The following RTKN2 variants were observed in gnomAD, a reference collection of about 807,000 sequenced individuals.
The protein encoded by RTKN2 is rhotekin-2.
Under a neutral mutation model 71.5 loss-of-function variants are expected in RTKN2, and 69 were observed. The observed-to-expected ratio is 0.96, with a 90% CI of 0.79 to 1.18. RTKN2 has a LOEUF of 1.18. RTKN2 is among the 50% of genes most tolerant of loss of function. RTKN2 has a pLI of 0.00. For missense variants in RTKN2, 724 were observed against 719.7 expected (o/e 1.01, Z -0.07); for synonymous variants, 236 against 236.5 (o/e 1.00, Z 0.02).
intron 6 of RTKN2, among the ~76,000 whole-genome samples, chr10:62,227,026 G>T (rs1842040175): frequency 6.6e-6 from 1 of 152,158 alleles, no homozygotes; most frequent in Non-Finnish European, 1.5e-5. Flanking sequence ...AAAATAATGG[G>T]AAGTAGACTC....
At chr10:62,203,235 C>A (rs965109372) in intron 10 of RTKN2, among the ~76,000 whole-genome samples, 1 of 151,978 alleles carries the variant, frequency 6.6e-6, no homozygotes. Context: ...ATTTATAAGA[C>A]GGATTCTCTA....
chr10:62,250,575 G>T (rs184287277), intron 2 of RTKN2, among the ~76,000 whole-genome samples: 2 of 152,272 alleles, frequency 1.3e-5, no homozygotes, highest in East Asian at 3.9e-4. Flanking sequence ...AGAGTAAACT[G>T]CAGTCTGAAA....
chr10:62,255,904 T>C (rs991399288), intron 2 of RTKN2, among the ~76,000 whole-genome samples: 1 of 152,136 alleles, frequency 6.6e-6, no homozygotes, highest in African/African-American at 2.4e-5. Context: ...TTAGACTCAA[T>C]GTCCATCTAT....
chr10:62,213,260 C>T (rs1233361894), intron 9 of RTKN2, among the ~76,000 whole-genome samples: 1 of 151,944 alleles, frequency 6.6e-6, no homozygotes, highest in Non-Finnish European at 1.5e-5. Flanking sequence ...TCCTCACTGA[C>T]TACTTGCTAA....
intron 5 of RTKN2, chr10:62,239,349 G>T: frequency 5.0e-6 from 1 of 199,836 alleles, no homozygotes; most frequent in Non-Finnish European, 1.0e-5. Context: ...TGTATGCATA[G>T]CTTTGTTAAT....
chr10:62,230,128 T>C (rs1842117220), intron 6 of RTKN2, among the ~76,000 whole-genome samples: 1 of 152,168 alleles, frequency 6.6e-6, no homozygotes, highest in Admixed American at 6.6e-5. Context: ...AACTTTTTCC[T>C]TCTAGGTTCT....
At chr10:62,228,372 G>A (rs1426778562) in intron 6 of RTKN2, among the ~76,000 whole-genome samples, 1 of 151,972 alleles carries the variant, frequency 6.6e-6, no homozygotes, top group Non-Finnish European at 1.5e-5. Context: ...AAAAGGTCCA[G>A]GAAGAGGAAC....
chr10:62,243,030 C>T (rs561713361), intron 3 of RTKN2, among the ~76,000 whole-genome samples: 4 of 151,806 alleles, frequency 2.6e-5, no homozygotes, highest in South Asian at 2.1e-4. Flanking sequence ...ATGTGCACGA[C>T]GTGCAGGTTT....
intron 9 of RTKN2, among the ~76,000 whole-genome samples, chr10:62,206,847 A>G (rs1841559162): frequency 6.6e-6 from 1 of 151,892 alleles, no homozygotes; most frequent in Non-Finnish European, 1.5e-5. Context: ...ATTTTGCCCT[A>G]AATGGTATCC....
Position 62,236,123 on chromosome 10 carries a change from CTTA to C in RTKN2, c.626_628del (p.Ile209del), listed in dbSNP as rs2132977069. The C allele has an allele frequency of 6.2e-7, 1 of 1,612,956 alleles. No homozygotes were observed. Among genetic ancestry groups the C allele is most frequent in the East Asian group, 2.2e-5 (1 of 44,790 alleles). On this transcript the variant is annotated inframe_deletion, in exon 6 of 12. Transcript: ENST00000373789. ...ATCATCCTCTTCTTGAAGCACTGAA[CTTA>C]TTTTCTTTCCTGTAGCTTTACTTAT...
chr10:62,191,543 A>AT (rs1306932425), downstream of RTKN2, among the ~76,000 whole-genome samples: 1 of 152,088 alleles, frequency 6.6e-6, no homozygotes, highest in East Asian at 1.9e-4. Context: ...TGTTTTATGT[A>AT]TTTTTTAATC....
intron 3 of RTKN2, among the ~76,000 whole-genome samples, chr10:62,242,962 TTATC>T (rs1404051559): frequency 6.6e-6 from 1 of 152,100 alleles, no homozygotes; most frequent in African/African-American, 2.4e-5. Context: ...AGTATTCAAT[TTATC>T]TATTTATTTA....
At chr10:62,201,391 T>C (rs1010990834) in intron 10 of RTKN2, among the ~76,000 whole-genome samples, 3 of 152,106 alleles carry the variant, frequency 2.0e-5, no homozygotes, top group East Asian at 3.8e-4. Flanking sequence ...CAGAATATGA[T>C]AAAAATTTCA....
chr10:62,204,112 T>C (rs1841501738), intron 10 of RTKN2, among the ~76,000 whole-genome samples: 1 of 152,176 alleles, frequency 6.6e-6, no homozygotes, highest in Admixed American at 6.5e-5. Flanking sequence ...GTAGACAAAA[T>C]ACTGGTAGTA....
At chr10:62,218,336 T>C in intron 7 of RTKN2, 35 bp from the exon 8 acceptor site, 1 of 1,345,530 alleles carries the variant, frequency 7.4e-7, no homozygotes, top group Non-Finnish European at 1.0e-6. Context: ...AAAATCAAGT[T>C]ATAAATATAA....
intron 1 of RTKN2, among the ~76,000 whole-genome samples, chr10:62,265,348 G>T (rs1305815757): frequency 6.6e-6 from 1 of 152,176 alleles, no homozygotes; most frequent in African/African-American, 2.4e-5. Flanking sequence ...AACTTCAACA[G>T]AGACTGAGTG....
chr10:62,249,389 T>G (rs1402038548), intron 2 of RTKN2, among the ~76,000 whole-genome samples: 33 of 53,112 alleles, frequency 6.2e-4, no homozygotes, highest in African/African-American at 9.0e-4. Context: ...GGTTGGGGGG[T>G]GGTGGGGGCA....
chr10:62,219,826 G>C (rs990761527), intron 7 of RTKN2, among the ~76,000 whole-genome samples: 3 of 151,816 alleles, frequency 2.0e-5, no homozygotes, highest in Admixed American at 6.6e-5. Context: ...CAACTTTTCT[G>C]TAAGTTTGAC....
intron 7 of RTKN2, 35 bp downstream of exon 7, chr10:62,223,203 A>T: frequency 8.3e-7 from 1 of 1,204,236 alleles, no homozygotes; most frequent in Non-Finnish European, 1.2e-6. Flanking sequence ...TATAGACAGA[A>T]TATATGTAAT....
Sources: allele counts gnomAD v4.1 joint callset (sites outside exome capture counted in the v4.1 genomes callset), GRCh38; gene constraint gnomAD v4.1.1; transcripts MANE v1.5; gene names NCBI Gene and HGNC (gene_info 2026-07-23, HGNC 2026-07-21).